Variants in MMAB observed in about 807,000 individuals in gnomAD.
The protein encoded by MMAB is corrinoid adenosyltransferase MMAB.
A neutral mutation model predicts 30.6 loss-of-function variants in MMAB; 17 were observed. That is an observed-to-expected ratio of 0.56 (90% CI 0.38 to 0.83). MMAB has a LOEUF of 0.83. Ranked by LOEUF, MMAB falls within the 40% of genes least tolerant of loss-of-function variation. The pLI is 0.00. For synonymous variants in MMAB, 134 were observed against 138.6 expected (o/e 0.97, Z 0.23); for missense variants, 311 against 331.6 (o/e 0.94, Z 0.48).
chr12:109,556,336 G>A lies in MMAB; in HGVS notation c.*692C>T, dbSNP rs1234702360. ...AGGGAATGTTCACCTTCAAGTGGTA[G>A]TGTTGTTCTCATCAGCATCTCCATC... On this transcript the variant is annotated 3_prime_UTR_variant, in exon 9 of 9. Transcript: ENST00000545712. 2 of 453,872 alleles carry A rather than the reference G, an allele frequency of 4.4e-6. No homozygotes were observed. Among genetic ancestry groups the A allele is most frequent in the South Asian group, 1.6e-5 (1 of 64,462 alleles). 28.1% of individuals were successfully genotyped at this position (453,872 alleles called of 1,614,324 possible).
chr12:109,565,178 T>TA lies in MMAB; in HGVS notation c.291-3dup, dbSNP rs2136203965. ...TCTGTGACTAATTCCAGAGCAAACCTATGAAGAAAAAGGAAAAAGAATTTG... is the reference window on the plus strand; with the variant it reads ...TCTGTGACTAATTCCAGAGCAAACCTAATGAAGAAAAAGGAAAAAGAATTTG... On this transcript the variant is annotated splice_region_variant and splice_polypyrimidine_tract_variant and intron_variant, in intron 3 of 8. Coordinates refer to ENST00000545712, the MANE Select transcript of MMAB (RefSeq NM_052845.4). The TA allele has an allele frequency of 2.5e-6, 4 of 1,613,294 alleles. No individual in the cohort carries two copies. Among genetic ancestry groups the TA allele is most frequent in the Non-Finnish European group, 3.4e-6 (4 of 1,179,406 alleles).
rs1884173438 is a variant in MMAB, at chr12:109,561,010, G to A, written c.584+30C>T. The A allele has an allele frequency of 8.9e-7, 1 of 1,121,092 alleles. No individual in the cohort carries two copies. The highest frequency in any genetic ancestry group is 1.3e-6 in the Non-Finnish European group (1 of 762,144). 69.4% of individuals were successfully genotyped at this position (1,121,092 alleles called of 1,614,324 possible). A position where few individuals can be genotyped will look rare whatever the true frequency, so the allele number is the denominator to read the frequency against. On this transcript the variant is annotated intron_variant, in intron 7 of 8. Transcript: ENST00000545712. The surrounding 1 kb of genome is among the most constrained non-coding windows in gnomAD (Gnocchi z 5.3). ...CCCCTTGTTCCTCTCCCTCTCCCTT[G>A]GGCCCTCTCCCTCTCTCCAGCCCTC... is the stretch of plus-strand genomic sequence containing the variant.
chr12:109,570,119 T>G, intron 2 of MMAB: 1 of 326,672 alleles, frequency 3.1e-6, no homozygotes, highest in Non-Finnish European at 6.2e-6. Context: ...AAAAATTAGT[T>G]GGGCATGGTG....
intron 4 of MMAB, among the ~76,000 whole-genome samples, chr12:109,562,882 T>G (rs1318711337): frequency 6.6e-6 from 1 of 152,148 alleles, no homozygotes; most frequent in Non-Finnish European, 1.5e-5. Context: ...ATGACAAATG[T>G]CCAACAGCTC....
intron 1 of MMAB, chr12:109,573,125 G>T: frequency 1.6e-6 from 1 of 629,468 alleles, no homozygotes; most frequent in Non-Finnish European, 2.8e-6. Flanking sequence ...CATGGGATAT[G>T]CCCTGCCCTG....
rs746823302 is a variant in MMAB, at chr12:109,555,275, GTTTT to G, written c.*1749_*1752del. The G allele has an allele frequency of 4.0e-4, 137 of 341,450 alleles. No homozygotes were observed. Among genetic ancestry groups the G allele is most frequent in the Non-Finnish European group, 4.6e-4 (87 of 189,388 alleles). The allele number at this position is 341,450 out of a possible 1,614,324, so 21.2% of individuals were successfully genotyped here. A position where few individuals can be genotyped will look rare whatever the true frequency, so the allele number is the denominator to read the frequency against. Reference sequence around the variant, plus strand: ...GAGCCTTAGTGATTGCGTTTTCAGGGTTTTTTTTTTTTTTTTTTTTTTTTTGTGA... The same window carrying G: ...GAGCCTTAGTGATTGCGTTTTCAGGGTTTTTTTTTTTTTTTTTTTTTGTGA... On this transcript the variant is annotated 3_prime_UTR_variant, in exon 9 of 9. Transcript: ENST00000545712.
chr12:109,561,741 C>T lies in MMAB; in HGVS notation c.421+39G>A, dbSNP rs1274925394. The T allele has an allele frequency of 1.9e-6, 3 of 1,558,236 alleles. No homozygotes were observed. On this transcript the variant is annotated intron_variant, in intron 5 of 8. Coordinates refer to ENST00000545712, the MANE Select transcript of MMAB (RefSeq NM_052845.4). The surrounding 1 kb of genome is among the most constrained non-coding windows in gnomAD (Gnocchi z 5.3). ...GTGACCCTAGGAGAGTCCCCTGACC[C>T]TAGGGCCCTCTGAACACCCACAGGA...
At chr12:109,567,085 G>C (rs574908717) in intron 3 of MMAB, 1 of 454,982 alleles carries the variant, frequency 2.2e-6, no homozygotes, top group African/African-American at 2.0e-5. Flanking sequence ...GAGGAGACTC[G>C]CTTGAACCCG....
chr12:109,562,470 G>A (rs567478457), intron 4 of MMAB, among the ~76,000 whole-genome samples: 3 of 152,342 alleles, frequency 2.0e-5, no homozygotes, highest in Admixed American at 2.0e-4. Context: ...GGGACCTGGT[G>A]TGGCTCTTTT....
intron 4 of MMAB, 192 bp downstream of exon 4, chr12:109,564,927 C>A: frequency 1.4e-6 from 1 of 696,690 alleles, no homozygotes; most frequent in East Asian, 2.6e-5. Context: ...CTCAGTCTCC[C>A]AAGTAGCTGA....
chr12:109,557,923 G>C (rs1481303162), intron 8 of MMAB, among the ~76,000 whole-genome samples: 2 of 152,250 alleles, frequency 1.3e-5, no homozygotes, highest in Non-Finnish European at 2.9e-5. Flanking sequence ...GGGAACTAGA[G>C]GACGACGCCA....
At chr12:109,571,530 G>C (rs951672156) in intron 2 of MMAB, 119 bp downstream of exon 2, 4 of 913,346 alleles carry the variant, frequency 4.4e-6, no homozygotes, top group Non-Finnish European at 7.0e-6. Flanking sequence ...GGGATTACAG[G>C]CATGAGCCAC....
At chr12:109,563,811 G>A (rs34899324) in intron 4 of MMAB, among the ~76,000 whole-genome samples, 25,804 of 152,280 alleles carry the variant, frequency 0.17, 2,276 homozygotes, top group African/African-American at 0.19. Flanking sequence ...AGGGGCCTGA[G>A]CAGGCTCCAG....
chr12:109,563,140 G>T (rs1884276246), intron 4 of MMAB, among the ~76,000 whole-genome samples: 1 of 152,210 alleles, frequency 6.6e-6, no homozygotes, highest in South Asian at 2.1e-4. Context: ...TCCCTGCTTG[G>T]GGTCTCTGCA....
At chr12:109,573,024 C>CAG (rs1342956461) in intron 1 of MMAB, among the ~76,000 whole-genome samples, 1 of 152,194 alleles carries the variant, frequency 6.6e-6, no homozygotes, top group Non-Finnish European at 1.5e-5. Flanking sequence ...TGAGGAAAGC[C>CAG]ATCTTTAGAA....
At chr12:109,565,268 TTTAG>T (rs1884377983) in intron 3 of MMAB, 92 bp from the exon 4 acceptor site, 1 of 928,886 alleles carries the variant, frequency 1.1e-6, no homozygotes, top group Admixed American at 1.7e-5. Context: ...TGGCAGGCCA[TTTAG>T]TTAATTTAGC....
At position 109,565,146 on chromosome 12, in the gene MMAB, G is replaced by A; in HGVS notation, c.321C>T (p.Gly107=). The change falls in exon 4 of 9, where the codon GGC becomes GGT. Residue 107 remains glycine (G), a synonymous_variant. Transcript: ENST00000545712. ...TCTGAAGCTCTTCGGCAAATGTATG[G>A]CCCTTTTCTGTGACTAATTCCAGAG... ...GFALELVTEK[G]HTFAEELQKI... 6.2e-7 allele frequency: 1 copy of A among 1,613,982 alleles called. No individual in the cohort carries two copies. Among genetic ancestry groups the A allele is most frequent in the Non-Finnish European group, 8.5e-7 (1 of 1,179,930 alleles).
intron 7 of MMAB, 70 bp downstream of exon 7, chr12:109,560,970 T>TGGGGGGGGGGGGGGGGGGGGGGGGGGGGG: frequency 1.2e-6 from 1 of 808,200 alleles, no homozygotes; most frequent in Non-Finnish European, 2.0e-6. Context: ...CTCCTCTCCC[T>TGGGGGGGGGGGGGGGGGGGGGGGGGGGGG]CTCCCTCCCC....
In MMAB at chr12:109,558,011, C is replaced by T. The variant is rs140131291; in HGVS notation, c.645-875G>A. On this transcript the variant is annotated intron_variant, in intron 8 of 8. Transcript: ENST00000545712. This position sits in a 1 kb window ranked among gnomAD's most constrained non-coding sequence, Gnocchi z 4.3. ...ACCTTTTGCTGTTTCACTCCCAGCACGAGGCACCACGTTCCTCCCTCTCTC... is the reference window on the plus strand; with the variant it reads ...ACCTTTTGCTGTTTCACTCCCAGCATGAGGCACCACGTTCCTCCCTCTCTC... Among the ~76,000 whole-genome samples the T allele has an allele frequency of 2.0e-5, 3 of 152,322 alleles. No homozygotes were observed. Among genetic ancestry groups the T allele is most frequent in the African/African-American group, 4.8e-5 (2 of 41,584 alleles).
Sources: gnomAD v4.1 joint callset for allele counts (sites outside exome capture counted in the v4.1 genomes callset) on GRCh38, gnomAD v4.1.1 for gene constraint, Gnocchi (gnomAD v3.1) non-coding constraint, MANE v1.5 for transcripts, NCBI Gene and HGNC (gene_info 2026-07-23, HGNC 2026-07-21) for gene names.